Variants in KIF5B observed in about 807,000 individuals in gnomAD.
KIF5B encodes the protein kinesin-1 heavy chain.
Under a neutral mutation model 132.8 loss-of-function variants are expected in KIF5B, and 49 were observed. The observed-to-expected ratio is 0.37, with a 90% CI of 0.29 to 0.47. The LOEUF is 0.47. Among genes scored for constraint, KIF5B ranks in the 20% least tolerant of loss-of-function variants. The probability of loss-of-function intolerance (pLI) is 1.00; values close to 1 mark genes in which losing one functional copy is unlikely to be tolerated. For missense variants in KIF5B, 780 were observed against 1,144.0 expected (o/e 0.68, Z 4.59); for synonymous variants, 355 against 369.4 (o/e 0.96, Z 0.45).
In KIF5B at chr10:32,035,462, T is replaced by C. The variant is rs557968911; in HGVS notation, c.962+60A>G. ...GTTGGAATAACAGCTCACATTTTCC[T>C]ACATTTTATAAACAAAAGGTCTATC... On this transcript the variant is annotated intron_variant, in intron 10 of 25. Transcript: ENST00000302418. 147 of 1,455,972 alleles carry C rather than the reference T, an allele frequency of 1.0e-4. 3 individuals carry two copies. In the South Asian group the frequency reaches 1.8e-3, roughly 17 times the overall value. 90.2% of individuals were successfully genotyped at this position (1,455,972 alleles called of 1,614,324 possible).
At chr10:32,032,836 T>C (rs980907385) in intron 12 of KIF5B, 62 bp from the exon 13 acceptor site, 2 of 1,234,362 alleles carry the variant, frequency 1.6e-6, no homozygotes. Context: ...TGTTTCCCAA[T>C]ACAGGTTATA....
intron 19 of KIF5B, 44 bp from the exon 20 acceptor site, chr10:32,020,003 T>A (rs754631433): frequency 8.0e-7 from 1 of 1,244,552 alleles, no homozygotes; most frequent in East Asian, 2.3e-5. Context: ...AATATCACAG[T>A]TTTCTCAATG....
chr10:32,021,842 T>C (rs1217398725), intron 17 of KIF5B, among the ~76,000 whole-genome samples: 1 of 152,034 alleles, frequency 6.6e-6, no homozygotes, highest in Non-Finnish European at 1.5e-5. Flanking sequence ...CGTGGGGGCA[T>C]GTGCCTGTGG....
chr10:32,041,079 G>T (rs558267519), intron 2 of KIF5B, among the ~76,000 whole-genome samples: 1 of 150,926 alleles, frequency 6.6e-6, no homozygotes, highest in Non-Finnish European at 1.5e-5. Flanking sequence ...CCAGGAGAAG[G>T]AGGTTGCAGT....
chr10:32,040,571 A>T (rs984937113), intron 2 of KIF5B, 114 bp from the exon 3 acceptor site: 2 of 647,570 alleles, frequency 3.1e-6, no homozygotes, highest in African/African-American at 3.7e-5. Context: ...AAAATTACTT[A>T]ATGTTACAGG....
At chr10:32,055,785 T>C in intron 1 of KIF5B, 63 bp downstream of exon 1, 1 of 1,589,452 alleles carries the variant, frequency 6.3e-7, no homozygotes, top group South Asian at 1.1e-5. Flanking sequence ...GCCACTTCCC[T>C]AAACTCCCCG....
intron 8 of KIF5B, 57 bp from the exon 9 acceptor site, chr10:32,036,051 C>T: frequency 4.9e-6 from 6 of 1,217,268 alleles, no homozygotes; most frequent in South Asian, 4.8e-5. Flanking sequence ...ATTTTCTTTA[C>T]ATTTTCTAAA....
Position 32,011,507 on chromosome 10 carries a change from T to A in KIF5B, c.*30A>T, listed in dbSNP as rs190556914. 1.9e-3 allele frequency: 297 copies of A among 152,440 alleles called. No individual in the cohort carries two copies. The highest frequency in any genetic ancestry group is 6.9e-3 in the African/African-American group (286 of 41,592). 9.4% of individuals were successfully genotyped at this position (152,440 alleles called of 1,614,324 possible). On this transcript the variant is annotated 3_prime_UTR_variant, in exon 26 of 26. Coordinates refer to ENST00000302418, the MANE Select transcript of KIF5B (RefSeq NM_004521.3). ...CATGTCCTCTTCGTACTTCGATTAC[T>A]TTTTAACACCTAAAAATGGGAGAAA...
intron 1 of KIF5B, among the ~76,000 whole-genome samples, chr10:32,053,481 T>C (rs1440568670): frequency 6.6e-6 from 1 of 151,114 alleles, no homozygotes; most frequent in Non-Finnish European, 1.5e-5. Context: ...TCCCAGCACT[T>C]TGGGAGGCCA....
intron 15 of KIF5B, 50 bp from the exon 16 acceptor site, chr10:32,023,086 G>T: frequency 9.3e-7 from 1 of 1,077,126 alleles, no homozygotes; most frequent in East Asian, 2.6e-5. Context: ...TGTTCAATGT[G>T]TGTTTTCCCA....
chr10:32,046,948 G>A (rs1841617949), intron 2 of KIF5B, among the ~76,000 whole-genome samples: 1 of 152,044 alleles, frequency 6.6e-6, no homozygotes, highest in Non-Finnish European at 1.5e-5. Context: ...CTTTAAATGT[G>A]CTCAGAACAC....
In KIF5B at chr10:32,040,408, G is replaced by A. The variant is rs759850084; in HGVS notation, c.264C>T (p.Ser88=). 5 of 1,600,198 alleles carry A rather than the reference G, an allele frequency of 3.1e-6. No homozygotes were observed. The highest frequency in any genetic ancestry group is 2.7e-5 in the African/African-American group (2 of 74,584). The change falls in exon 3 of 26, where the codon TCC becomes TCT. Residue 88 remains serine, a synonymous_variant. Coordinates refer to ENST00000302418, the MANE Select transcript of KIF5B (RefSeq NM_004521.3). Reference sequence around the variant, plus strand: ...CCTCCATTGTGTGTGTCTTCCCAGAGGATGTTTGTCCATATGCAAATATTG... The same window carrying A: ...CCTCCATTGTGTGTGTCTTCCCAGAAGATGTTTGTCCATATGCAAATATTG... ...NGTIFAYGQT[S]SGKTHTMEGK...
In KIF5B at chr10:32,045,143, AG is replaced by A. The variant is rs764517977; in HGVS notation, c.214+3320del. Among the ~76,000 whole-genome samples the A allele has an allele frequency of 4.6e-5, 7 of 152,312 alleles. No homozygotes were observed. In the East Asian group the frequency reaches 9.6e-4, roughly 21 times the overall value. On this transcript the variant is annotated intron_variant, in intron 2 of 25. Transcript: ENST00000302418. Reference sequence around the variant, plus strand: ...AAACAATAGATTTTGAAAAACTCTGAGTATCAGCCTATTATTAAGAGACTGT... The same window carrying A: ...AAACAATAGATTTTGAAAAACTCTGATATCAGCCTATTATTAAGAGACTGT...
chr10:32,023,912 G>C (rs1022499219), intron 15 of KIF5B, among the ~76,000 whole-genome samples: 1 of 151,546 alleles, frequency 6.6e-6, no homozygotes, highest in Non-Finnish European at 1.5e-5. Context: ...TTTTAACACA[G>C]GAGAAAATCT....
At chr10:32,020,625 A>G (rs984502239) in intron 19 of KIF5B, among the ~76,000 whole-genome samples, 1 of 152,088 alleles carries the variant, frequency 6.6e-6, no homozygotes, top group Non-Finnish European at 1.5e-5. Flanking sequence ...GAGTCTCACT[A>G]TGTTGCCCAG....
At chr10:32,043,304 G>A (rs211284) in intron 2 of KIF5B, among the ~76,000 whole-genome samples, 15,047 of 152,126 alleles carry the variant, frequency 0.099, 839 homozygotes, top group Non-Finnish European at 0.12. Flanking sequence ...CGCCCAGCCC[G>A]CACTGTACTA....
intron 15 of KIF5B, among the ~76,000 whole-genome samples, chr10:32,023,768 G>T (rs1465703690): frequency 6.6e-6 from 1 of 152,160 alleles, no homozygotes; most frequent in Non-Finnish European, 1.5e-5. Flanking sequence ...CAATTTAATG[G>T]AGGGAGGACA....
chr10:32,053,188 A>C (rs986305811), intron 1 of KIF5B, among the ~76,000 whole-genome samples: 2 of 152,190 alleles, frequency 1.3e-5, no homozygotes, highest in African/African-American at 4.8e-5. Flanking sequence ...AAAAAACCAA[A>C]CCGAGAAGAT....
intron 1 of KIF5B, among the ~76,000 whole-genome samples, chr10:32,054,455 A>C (rs1214244711): frequency 3.9e-5 from 6 of 152,226 alleles, no homozygotes; most frequent in African/African-American, 1.2e-4. Flanking sequence ...AGGCCTACCA[A>C]GGAGCTAAGA....
Sources: allele counts gnomAD v4.1 joint callset (sites outside exome capture counted in the v4.1 genomes callset), GRCh38; gene constraint gnomAD v4.1.1; transcripts MANE v1.5; gene names NCBI Gene and HGNC (gene_info 2026-07-23, HGNC 2026-07-21).